Variants in HEMK2 observed in about 807,000 individuals in gnomAD.
The protein encoded by HEMK2 is HemK methyltransferase 2, ETF1 glutamine and histone H4 lysine.
the HEMK2 span, among the ~76,000 whole-genome samples, chr21:28,881,782 C>A: frequency 1.3e-5 from 2 of 152,040 alleles, no homozygotes; most frequent in South Asian, 2.1e-4. Flanking sequence ...CAGGTGCGCA[C>A]AACCATGTCC....
the HEMK2 span, among the ~76,000 whole-genome samples, chr21:28,866,369 A>C: frequency 6.6e-6 from 1 of 151,420 alleles, no homozygotes; most frequent in Non-Finnish European, 1.5e-5. Flanking sequence ...GAATTGCTTA[A>C]ACCCAGGAGG....
the HEMK2 span, among the ~76,000 whole-genome samples, chr21:28,620,660 C>CTTTTTTTTTTTTTTTTTTTTTTTT: frequency 1.0e-3 from 52 of 49,656 alleles, 8 homozygotes; most frequent in Middle Eastern, 0.015. Context: ...TCTCTCTTTT[C>CTTTTTTTTTTTTTTTTTTTTTTTT]TTTTTTTTTT....
At chr21:28,826,285 C>G in the HEMK2 span, among the ~76,000 whole-genome samples, 2 of 152,162 alleles carry the variant, frequency 1.3e-5, no homozygotes, top group African/African-American at 4.8e-5. Flanking sequence ...GGAACTAAAA[C>G]CCATCTGTAA....
At chr21:28,712,804 G>T in the HEMK2 span, among the ~76,000 whole-genome samples, 3 of 152,096 alleles carry the variant, frequency 2.0e-5, no homozygotes. Flanking sequence ...TATGAAATTG[G>T]TTTTTTAAAA....
chr21:28,738,835 C>A, the HEMK2 span, among the ~76,000 whole-genome samples: 1 of 152,216 alleles, frequency 6.6e-6, no homozygotes. Context: ...CCAACTTCAG[C>A]ACATGCACTT....
the HEMK2 span, among the ~76,000 whole-genome samples, chr21:28,728,301 C>G: frequency 2.0e-5 from 3 of 152,028 alleles, no homozygotes; most frequent in Non-Finnish European, 4.4e-5. Flanking sequence ...TTTGGATTGC[C>G]CTAAATAATC....
chr21:28,822,939 T>C, the HEMK2 span, among the ~76,000 whole-genome samples: 3 of 152,196 alleles, frequency 2.0e-5, no homozygotes, highest in Admixed American at 6.5e-5. Context: ...AGTATGTTTG[T>C]AGTACAAACA....
the HEMK2 span, among the ~76,000 whole-genome samples, chr21:28,588,764 A>G: frequency 7.9e-5 from 12 of 152,048 alleles, no homozygotes; most frequent in Admixed American, 5.2e-4. Context: ...AGGTCGGATC[A>G]CAAGGTCAGG....
At chr21:28,596,593 A>C in the HEMK2 span, among the ~76,000 whole-genome samples, 1 of 152,204 alleles carries the variant, frequency 6.6e-6, no homozygotes. Context: ...CAGAATATTC[A>C]CATTATCATA....
At chr21:28,882,991 A>G in the HEMK2 span, 1 of 1,592,718 alleles carries the variant, frequency 6.3e-7, no homozygotes. Context: ...TTACATGTAC[A>G]AAGCCTGAGG....
the HEMK2 span, among the ~76,000 whole-genome samples, chr21:28,831,674 AGAAAGAAAGAAGGAAGGAAGGAAG>A: frequency 1.1e-4 from 5 of 44,924 alleles, no homozygotes; most frequent in African/African-American, 5.0e-4. Context: ...AAAGAAAGAA[AGAAAGAAAGAAGGAAGGAAGGAAG>A]GAAGGAAGGA....
the HEMK2 span, among the ~76,000 whole-genome samples, chr21:28,602,933 A>C: frequency 6.6e-6 from 1 of 152,170 alleles, no homozygotes; most frequent in Non-Finnish European, 1.5e-5. Context: ...CCATTTCTGT[A>C]CTTTGCTGCC....
the HEMK2 span, among the ~76,000 whole-genome samples, chr21:28,813,784 T>C: frequency 6.6e-6 from 1 of 152,052 alleles, no homozygotes; most frequent in African/African-American, 2.4e-5. Flanking sequence ...ACATCTACAA[T>C]TATCTGATCT....
chr21:28,774,063 A>C, the HEMK2 span, among the ~76,000 whole-genome samples: 6 of 152,280 alleles, frequency 3.9e-5, no homozygotes, highest in Non-Finnish European at 7.4e-5. Context: ...GGTTCTGTTT[A>C]GGCTTTTCAC....
At chr21:28,718,246 G>C in the HEMK2 span, among the ~76,000 whole-genome samples, 2 of 152,024 alleles carry the variant, frequency 1.3e-5, no homozygotes, top group Non-Finnish European at 2.9e-5. Context: ...AGATCTTCTT[G>C]GCATTGATTT....
chr21:28,628,458 T>G, the HEMK2 span, among the ~76,000 whole-genome samples: 1 of 152,170 alleles, frequency 6.6e-6, no homozygotes, highest in Non-Finnish European at 1.5e-5. Flanking sequence ...TGCAAAGGTT[T>G]TCTTTTTTTT....
At chr21:28,590,015 G>A in the HEMK2 span, among the ~76,000 whole-genome samples, 2 of 152,034 alleles carry the variant, frequency 1.3e-5, no homozygotes, top group African/African-American at 2.4e-5. Flanking sequence ...ATGCAAACAC[G>A]CCCACAAAAG....
chr21:28,752,544 T>C, the HEMK2 span, among the ~76,000 whole-genome samples: 7 of 152,186 alleles, frequency 4.6e-5, no homozygotes, highest in Non-Finnish European at 8.8e-5. Context: ...TCTTCCACTG[T>C]CATAAAAAAA....
chr21:28,873,679 C>T, the HEMK2 span: 2 of 152,194 alleles, frequency 1.3e-5, no homozygotes, highest in Admixed American at 6.5e-5. Flanking sequence ...TACCACCATT[C>T]GGGGTAGTCC....
Sources: allele counts gnomAD v4.1 joint callset (sites outside exome capture counted in the v4.1 genomes callset), GRCh38; gene constraint gnomAD v4.1.1; transcripts MANE v1.5; gene names NCBI Gene and HGNC (gene_info 2026-07-23, HGNC 2026-07-21).